ST8SIA5: variants seen among roughly 807,000 people sequenced by gnomAD.
ST8SIA5 encodes ST8 alpha-N-acetyl-neuraminide alpha-2,8-sialyltransferase 5, also known as alpha-2,8-sialyltransferase 8E.
Under a neutral mutation model 40.2 loss-of-function variants are expected in ST8SIA5, and 24 were observed. That is an observed-to-expected ratio of 0.60 (90% CI 0.43 to 0.84). The LOEUF (loss-of-function observed/expected upper bound fraction) is 0.84, where lower values mean the gene tolerates loss of function less well. ST8SIA5 is among the 40% of genes least tolerant of loss of function. The pLI is 0.00. For missense variants in ST8SIA5, 465 were observed against 498.5 expected (o/e 0.93, Z 0.64); for synonymous variants, 198 against 201.8 (o/e 0.98, Z 0.16).
intron 1 of ST8SIA5, among the ~76,000 whole-genome samples, chr18:46,714,856 TTGTG>T (rs1447703836): frequency 6.6e-6 from 1 of 152,202 alleles, no homozygotes; most frequent in Non-Finnish European, 1.5e-5. Flanking sequence ...ACAGAAAGGT[TTGTG>T]TAAGTGGTTA....
Position 46,729,512 on chromosome 18 carries a change from C to T in ST8SIA5, c.132-24848G>A, listed in dbSNP as rs1033762906. Among the ~76,000 whole-genome samples the T allele has an allele frequency of 2.6e-5, 4 of 152,144 alleles. No homozygotes were observed. The East Asian group carries it at 7.7e-4, about 29-fold the overall frequency. ...CCAGCCAGAAACACATGCCAGACTG[C>T]TTGTTGAGTCCAACCCTCCTGGGGC... is the stretch of plus-strand genomic sequence containing the variant. On this transcript the variant is annotated intron_variant, in intron 1 of 6. Transcript: ENST00000315087.
intron 1 of ST8SIA5, among the ~76,000 whole-genome samples, chr18:46,734,895 T>C (rs572681377): frequency 6.6e-6 from 1 of 152,380 alleles, no homozygotes; most frequent in Non-Finnish European, 1.5e-5. Context: ...TCAACTTGAT[T>C]AGATTGAAGG....
rs143784819 is a variant in ST8SIA5 at position 46,686,209 on chromosome 18, G to A, written c.534C>T (p.Cys178=). ...AGTCGGCGCTGTTGATCTCCCTCCC[G>A]CAGCGGCTGTTCTTCAAGATGCCTC... ...GNGGILKNSR[C]GREINSADFV... is the part of the protein sequence containing the mutation. Residue 178 remains cysteine (C), a synonymous_variant, in exon 5 of 7, where the codon TGC becomes TGT. Transcript: ENST00000315087. The A allele has an allele frequency of 4.2e-4, 670 of 1,614,160 alleles. 5 individuals carry two copies. Among genetic ancestry groups the A allele is most frequent in the South Asian group, 3.6e-3 (326 of 91,078 alleles).
chr18:46,725,837 A>G (rs2039912424), intron 1 of ST8SIA5, among the ~76,000 whole-genome samples: 1 of 150,606 alleles, frequency 6.6e-6, no homozygotes, highest in Non-Finnish European at 1.5e-5. Flanking sequence ...AAAACATTTC[A>G]TGGCTGGGCA....
At chr18:46,724,306 G>A (rs2039892630) in intron 1 of ST8SIA5, among the ~76,000 whole-genome samples, 1 of 152,264 alleles carries the variant, frequency 6.6e-6, no homozygotes, top group South Asian at 2.1e-4. Context: ...CTGCACACAT[G>A]AAGTGCTCCA....
At chr18:46,723,652 G>A (rs4890688) in intron 1 of ST8SIA5, among the ~76,000 whole-genome samples, 7,775 of 151,018 alleles carry the variant, frequency 0.051, 264 homozygotes, top group South Asian at 0.16. Context: ...AAGGCCAAGC[G>A]TAGTGGCTCA....
rs377209912 is a variant in ST8SIA5 at position 46,716,086 on chromosome 18, G to GGATGGATA, written c.132-11423_132-11422insTATCCATC. On this transcript the variant is annotated intron_variant, in intron 1 of 6. Transcript: ENST00000315087. ...AGTGCTGGGACTGTGGAGTCACACAGGATAGATAGATAGATAGATAGATAG... is the reference window on the plus strand; with the variant it reads ...AGTGCTGGGACTGTGGAGTCACACAGGATGGATAGATAGATAGATAGATAGATAGATAG... Among the ~76,000 whole-genome samples the GGATGGATA allele has an allele frequency of 2.9e-3, 412 of 139,774 alleles. 1 individual carries two copies. Among genetic ancestry groups the GGATGGATA allele is most frequent in the African/African-American group, 8.7e-3 (326 of 37,530 alleles). The allele number at this position is 139,774 out of a possible 152,430, so 91.7% of individuals were successfully genotyped here.
At chr18:46,692,301 C>T (rs1425318438) in intron 2 of ST8SIA5, 46 bp from the exon 3 acceptor site, 7 of 1,575,756 alleles carry the variant, frequency 4.4e-6, no homozygotes, top group Middle Eastern at 1.7e-4. Context: ...GTAGGCGGGA[C>T]AGAGCGCGAT....
intron 1 of ST8SIA5, among the ~76,000 whole-genome samples, chr18:46,724,330 G>C (rs1354077457): frequency 1.3e-5 from 2 of 152,246 alleles, no homozygotes; most frequent in Non-Finnish European, 2.9e-5. Context: ...ATGCTTTGCT[G>C]AGTAACAGTA....
Position 46,734,495 on chromosome 18 carries a change from T to C in ST8SIA5, c.131+21883A>G, listed in dbSNP as rs140770790. On this transcript the variant is annotated intron_variant, in intron 1 of 6. Transcript: ENST00000315087. ...TCACTCTTCCTTTTCCAGGCTCCAC[T>C]CAAAGCCTAAATCTTGTCCAGTGGT... Among the ~76,000 whole-genome samples the C allele has an allele frequency of 3.1e-3, 474 of 150,998 alleles. 2 individuals carry two copies. The highest frequency in any genetic ancestry group is 0.01 in the African/African-American group (427 of 41,192).
chr18:46,741,326 A>G (rs2040084574), intron 1 of ST8SIA5, among the ~76,000 whole-genome samples: 1 of 152,208 alleles, frequency 6.6e-6, no homozygotes, highest in Admixed American at 6.5e-5. Flanking sequence ...ATACTCTTAC[A>G]ATTACTAAAG....
rs1398892319 is a variant in ST8SIA5, at chr18:46,706,440, T to G, written c.132-1776A>C. On this transcript the variant is annotated intron_variant, in intron 1 of 6. Coordinates refer to ENST00000315087, the MANE Select transcript of ST8SIA5 (RefSeq NM_013305.6). ...CTGACCCTGGGCTACCCCTGCTCAC[T>G]GTCTCTTAGAGCAAATAACATGGTA... Among the ~76,000 whole-genome samples, 3 of 86,602 alleles carry G rather than the reference T, an allele frequency of 3.5e-5. No homozygotes were observed. In the East Asian group the frequency reaches 6.1e-4, roughly 18 times the overall value. 56.8% of individuals were successfully genotyped at this position (86,602 alleles called of 152,430 possible).
chr18:46,725,176 G>T (rs933260206), intron 1 of ST8SIA5, among the ~76,000 whole-genome samples: 12 of 152,072 alleles, frequency 7.9e-5, no homozygotes, highest in African/African-American at 2.9e-4. Context: ...GATTTAAACC[G>T]AGGGCTAACT....
In ST8SIA5 at chr18:46,678,555, GAC is replaced by G. The variant is rs1285064481; in HGVS notation, c.*1485_*1486del. 1 of 152,274 alleles carries G rather than the reference GAC, an allele frequency of 6.6e-6. No individual in the cohort carries two copies. The highest frequency in any genetic ancestry group is 1.5e-5 in the Non-Finnish European group (1 of 68,100). 9.4% of individuals were successfully genotyped at this position (152,274 alleles called of 1,614,324 possible). On this transcript the variant is annotated 3_prime_UTR_variant, in exon 7 of 7. Coordinates refer to ENST00000315087, the MANE Select transcript of ST8SIA5 (RefSeq NM_013305.6). ...ATCTCTGGGCCCTGCACCCCCAGAA[GAC>G]ACAGATAATGCCTTTGTTTATCCTT... is the stretch of plus-strand genomic sequence containing the variant.
chr18:46,719,240 A>G (rs554627262), intron 1 of ST8SIA5, among the ~76,000 whole-genome samples: 8 of 152,318 alleles, frequency 5.3e-5, no homozygotes, highest in African/African-American at 9.6e-5. Flanking sequence ...TTCCAAAACC[A>G]ACTTGACAGA....
At position 46,689,913 on chromosome 18, in the gene ST8SIA5, A is replaced by G. The variant is rs137898344; in HGVS notation, c.312-994T>C. On this transcript the variant is annotated intron_variant, in intron 3 of 6. Transcript: ENST00000315087. ...CTATAATGTTTTTTTTTTTAATTTC[A>G]TCTCTTGCAGGTACTTCACTGGGAA... 2.9e-3 allele frequency among the ~76,000 whole-genome samples: 444 copies of G among 150,822 alleles called. 3 individuals carry two copies. The highest frequency in any genetic ancestry group is 5.0e-3 in the Non-Finnish European group (341 of 67,756).
chr18:46,702,146 C>CA (rs5824635), intron 2 of ST8SIA5, among the ~76,000 whole-genome samples: 77,663 of 120,404 alleles, frequency 0.65, 23,070 homozygotes, highest in East Asian at 0.83. Context: ...GACTCCATCT[C>CA]AAAAAAAAAA....
At chr18:46,744,077 A>G (rs2040114123) in intron 1 of ST8SIA5, among the ~76,000 whole-genome samples, 1 of 152,218 alleles carries the variant, frequency 6.6e-6, no homozygotes, top group South Asian at 2.1e-4. Flanking sequence ...TTGAACATGG[A>G]AAGGAACAAC....
intron 1 of ST8SIA5, among the ~76,000 whole-genome samples, chr18:46,736,836 A>G (rs1317500757): frequency 6.6e-6 from 1 of 151,994 alleles, no homozygotes; most frequent in Non-Finnish European, 1.5e-5. Flanking sequence ...TTAAACCCCC[A>G]GAACCCCCAC....
Sources: allele counts gnomAD v4.1 joint callset (sites outside exome capture counted in the v4.1 genomes callset), GRCh38; gene constraint gnomAD v4.1.1; transcripts MANE v1.5; gene names NCBI Gene and HGNC (gene_info 2026-07-23, HGNC 2026-07-21).